Variants in GRID2 observed in about 807,000 individuals in gnomAD.
GRID2 encodes the protein glutamate ionotropic receptor delta type subunit 2, also known as glutamate receptor ionotropic, delta-2.
In GRID2, 33 loss-of-function variants were observed where a neutral mutation model predicts 114.8. The ratio of observed to expected loss-of-function variants is 0.29; its 90% confidence interval spans 0.22 to 0.38. The LOEUF is 0.38. Among genes scored for constraint, GRID2 ranks in the 10% least tolerant of loss-of-function variants. GRID2 has a pLI of 1.00. For missense variants in GRID2, 1,184 were observed against 1,257.7 expected, an observed-to-expected ratio of 0.94 and a Z score of 0.89; for synonymous variants, 505 against 449.9, an observed-to-expected ratio of 1.12 and a Z score of -1.55.
intron 10 of GRID2, among the ~76,000 whole-genome samples, chr4:93,425,343 A>G (rs1305970278): frequency 2.0e-5 from 3 of 152,176 alleles, no homozygotes; most frequent in South Asian, 2.1e-4. Context: ...ATTTAGCTTT[A>G]AACATTGTTA....
chr4:93,651,555 C>A (rs1195926534), intron 14 of GRID2, among the ~76,000 whole-genome samples: 1 of 152,154 alleles, frequency 6.6e-6, no homozygotes, highest in Non-Finnish European at 1.5e-5. Context: ...TCTTGCATCA[C>A]CTCAATATTC....
At chr4:92,973,234 A>G (rs1753641469) in intron 2 of GRID2, among the ~76,000 whole-genome samples, 2 of 152,142 alleles carry the variant, frequency 1.3e-5, no homozygotes, top group South Asian at 2.1e-4. Flanking sequence ...GAGAAATAAT[A>G]TTCAATTTCT....
chr4:93,703,953 C>T (rs1026413720), intron 14 of GRID2, among the ~76,000 whole-genome samples: 15 of 152,106 alleles, frequency 9.9e-5, no homozygotes, highest in Non-Finnish European at 1.9e-4. Context: ...CCGTGATAAA[C>T]ATACGTGTGC....
At chr4:92,834,392 A>G (rs1166709304) in intron 2 of GRID2, among the ~76,000 whole-genome samples, 1 of 152,082 alleles carries the variant, frequency 6.6e-6, no homozygotes, top group African/African-American at 2.4e-5. Context: ...TTTAAGCCTT[A>G]TGTGTTGTTG....
intron 9 of GRID2, among the ~76,000 whole-genome samples, chr4:93,414,013 C>A (rs1357156830): frequency 6.6e-6 from 1 of 151,970 alleles, no homozygotes; most frequent in Non-Finnish European, 1.5e-5. Context: ...AAGGACAGTC[C>A]CAGAAGTTAA....
At chr4:92,887,815 T>C (rs1431527499) in intron 2 of GRID2, among the ~76,000 whole-genome samples, 1 of 152,212 alleles carries the variant, frequency 6.6e-6, no homozygotes, top group African/African-American at 2.4e-5. Context: ...TAAAATCTGA[T>C]TCTGTCCTTA....
chr4:92,764,616 C>A (rs191300423), intron 2 of GRID2, among the ~76,000 whole-genome samples: 1 of 152,224 alleles, frequency 6.6e-6, no homozygotes, highest in Non-Finnish European at 1.5e-5. Context: ...ACATCTATAC[C>A]CCTTTTTTAT....
intron 2 of GRID2, among the ~76,000 whole-genome samples, chr4:92,916,704 A>G (rs545405266): frequency 1.7e-3 from 264 of 152,200 alleles, no homozygotes; most frequent in Middle Eastern, 0.014. Context: ...CATTTTTTAT[A>G]GCTGCATAGT....
At chr4:92,709,242 T>C (rs1167159527) in intron 2 of GRID2, among the ~76,000 whole-genome samples, 1 of 152,138 alleles carries the variant, frequency 6.6e-6, no homozygotes, top group Non-Finnish European at 1.5e-5. Flanking sequence ...AATACTTGAC[T>C]CATAGAAGAC....
rs191644411 is a variant in GRID2, at chr4:92,637,479, A to G, written c.244+47193A>G. Among the ~76,000 whole-genome samples the G allele has an allele frequency of 5.3e-5, 8 of 152,172 alleles. No individual in the cohort carries two copies. In the East Asian group the frequency reaches 1.6e-3, roughly 30 times the overall value. ...TTAAATACTTGGAGTTGTATTGTGA[A>G]TATATTCGTGTCCTTATAAAGGACC... On this transcript the variant is annotated intron_variant, in intron 2 of 15. Transcript: ENST00000282020.
intron 2 of GRID2, among the ~76,000 whole-genome samples, chr4:93,069,355 C>A (rs1467555327): frequency 6.6e-6 from 1 of 151,658 alleles, no homozygotes; most frequent in Non-Finnish European, 1.5e-5. Context: ...AAATGGAAAG[C>A]ATTTCTCTGA....
intron 13 of GRID2, among the ~76,000 whole-genome samples, chr4:93,598,071 A>G (rs933305828): frequency 6.6e-6 from 1 of 152,168 alleles, no homozygotes; most frequent in Non-Finnish European, 1.5e-5. Flanking sequence ...CATATACTCT[A>G]TACATTCTCT....
intron 2 of GRID2, among the ~76,000 whole-genome samples, chr4:93,032,289 T>A (rs561002511): frequency 6.6e-6 from 1 of 152,304 alleles, no homozygotes; most frequent in South Asian, 2.1e-4. Context: ...TTGAGCTGAT[T>A]TACAGGAGTC....
In GRID2 at chr4:92,606,789, T is replaced by C. The variant is rs186467984; in HGVS notation, c.244+16503T>C. Among the ~76,000 whole-genome samples the C allele has an allele frequency of 3.2e-3, 490 of 152,112 alleles. 1 individual carries two copies. Among genetic ancestry groups the C allele is most frequent in the African/African-American group, 0.011 (471 of 41,542 alleles). On this transcript the variant is annotated intron_variant, in intron 2 of 15. Transcript: ENST00000282020. ...TTTTCTATTGGAATTTTAACCAACATCATTATTTAACTCATATTTGTCTAA... is the reference window on the plus strand; with the variant it reads ...TTTTCTATTGGAATTTTAACCAACACCATTATTTAACTCATATTTGTCTAA...
intron 8 of GRID2, among the ~76,000 whole-genome samples, chr4:93,250,878 T>C (rs987538915): frequency 4.0e-5 from 6 of 151,634 alleles, no homozygotes; most frequent in Admixed American, 3.3e-4. Context: ...AAGTATAAAG[T>C]CTATTAAAAC....
intron 1 of GRID2, among the ~76,000 whole-genome samples, chr4:92,539,620 T>C (rs941470787): frequency 6.6e-6 from 1 of 152,170 alleles, no homozygotes; most frequent in Non-Finnish European, 1.5e-5. Flanking sequence ...TTAAAGATAT[T>C]TCTCAATTAC....
At chr4:92,922,995 T>A (rs1023072062) in intron 2 of GRID2, among the ~76,000 whole-genome samples, 2 of 152,210 alleles carry the variant, frequency 1.3e-5, no homozygotes, top group African/African-American at 4.8e-5. Context: ...TTTGTGAAAA[T>A]ACCATTAAAC....
At chr4:92,845,866 C>G (rs965573870) in intron 2 of GRID2, among the ~76,000 whole-genome samples, 6 of 152,102 alleles carry the variant, frequency 3.9e-5, no homozygotes, top group African/African-American at 1.4e-4. Context: ...TTCTGTTAAT[C>G]TGTTCCATAA....
intron 4 of GRID2, among the ~76,000 whole-genome samples, chr4:93,200,410 C>CA (rs1160397756): frequency 1.3e-5 from 2 of 151,848 alleles, no homozygotes; most frequent in Non-Finnish European, 2.9e-5. Context: ...ACTAAAAATA[C>CA]AAAAAATTAG....
Sources: allele counts gnomAD v4.1 joint callset (sites outside exome capture counted in the v4.1 genomes callset), GRCh38; gene constraint gnomAD v4.1.1; transcripts MANE v1.5; gene names NCBI Gene and HGNC (gene_info 2026-07-23, HGNC 2026-07-21).